Variants in SUPT3H observed in about 807,000 individuals in gnomAD.
SUPT3H encodes the protein SPT3 homolog, SAGA and STAGA complex component, also known as transcription initiation protein SPT3 homolog.
A neutral mutation model predicts 44.3 loss-of-function variants in SUPT3H; 44 were observed. The observed-to-expected ratio is 0.99, with a 90% CI of 0.78 to 1.28. The LOEUF (loss-of-function observed/expected upper bound fraction) is 1.28. Ranked by LOEUF, SUPT3H falls within the 50% of genes most tolerant of loss-of-function variation. The pLI, the probability that SUPT3H is intolerant of heterozygous loss-of-function variation, is 0.00. For synonymous variants in SUPT3H, 124 were observed against 125.6 expected (o/e 0.99, Z 0.09); for missense variants, 380 against 387.1 (o/e 0.98, Z 0.15).
chr6:45,062,346 A>C (rs964541970), intron 3 of SUPT3H, among the ~76,000 whole-genome samples: 1 of 152,212 alleles, frequency 6.6e-6, no homozygotes, highest in Non-Finnish European at 1.5e-5. Flanking sequence ...GAGCATTATA[A>C]ATATCATAAA....
intron 3 of SUPT3H, among the ~76,000 whole-genome samples, chr6:45,051,124 C>T (rs1790233387): frequency 6.6e-6 from 1 of 151,990 alleles, no homozygotes; most frequent in South Asian, 2.1e-4. Context: ...CTCCTGACCT[C>T]GTGATCCACC....
At chr6:45,193,991 T>C (rs1206121446) in intron 2 of SUPT3H, among the ~76,000 whole-genome samples, 3 of 152,192 alleles carry the variant, frequency 2.0e-5, no homozygotes, top group Non-Finnish European at 4.4e-5. Context: ...AAATTTAAAC[T>C]GTCCAGTTAT....
At chr6:45,047,654 T>C (rs1057376522) in intron 3 of SUPT3H, among the ~76,000 whole-genome samples, 5 of 152,292 alleles carry the variant, frequency 3.3e-5, no homozygotes, top group East Asian at 1.9e-4. Flanking sequence ...TTTTAATTTT[T>C]TTAAGGAAAA....
chr6:45,191,903 A>T (rs1028124171), intron 2 of SUPT3H, among the ~76,000 whole-genome samples: 1 of 152,096 alleles, frequency 6.6e-6, no homozygotes, highest in African/African-American at 2.4e-5. Context: ...AGACTAAAAA[A>T]TATTAATATA....
chr6:45,228,326 T>C (rs1025384467), intron 2 of SUPT3H, among the ~76,000 whole-genome samples: 7 of 152,192 alleles, frequency 4.6e-5, no homozygotes, highest in Non-Finnish European at 8.8e-5. Context: ...GCAGTGGTTC[T>C]AATCCAATCA....
intron 2 of SUPT3H, among the ~76,000 whole-genome samples, chr6:45,283,020 C>G (rs2153667859): frequency 6.6e-6 from 1 of 152,200 alleles, no homozygotes; most frequent in East Asian, 1.9e-4. Context: ...AAATACTTTA[C>G]AGGCAAGCAA....
In SUPT3H at chr6:45,060,001, G is replaced by A. The variant is rs138663839; in HGVS notation, c.187-39369C>T. ...CTCATAGATAGGAAGAATCAATATC[G>A]TGAAAATGGCCATAGTACCCAAAGT... On this transcript the variant is annotated intron_variant, in intron 3 of 10. Coordinates refer to ENST00000371459, the MANE Select transcript of SUPT3H (RefSeq NM_003599.4). 7.2e-5 allele frequency among the ~76,000 whole-genome samples: 11 copies of A among 152,080 alleles called. No individual in the cohort carries two copies. The East Asian group carries it at 9.7e-4, about 13-fold the overall frequency.
intron 2 of SUPT3H, among the ~76,000 whole-genome samples, chr6:45,210,755 C>A (rs565059394): frequency 3.9e-5 from 6 of 152,270 alleles, no homozygotes; most frequent in African/African-American, 1.4e-4. Context: ...ACTTAATAAA[C>A]TATAGTATAG....
chr6:44,967,673 T>C (rs1048023484), intron 6 of SUPT3H, among the ~76,000 whole-genome samples: 1 of 152,244 alleles, frequency 6.6e-6, no homozygotes, highest in Non-Finnish European at 1.5e-5. Context: ...TGTGCTGGCA[T>C]ATCTCTTGGC....
chr6:45,053,914 C>CAA (rs56734466), intron 3 of SUPT3H, among the ~76,000 whole-genome samples: 3 of 79,642 alleles, frequency 3.8e-5, no homozygotes, highest in African/African-American at 9.0e-5. Flanking sequence ...GACTCCGTCT[C>CAA]AAAAAAAAAA....
At chr6:45,287,138 T>G (rs888297967) in intron 2 of SUPT3H, among the ~76,000 whole-genome samples, 3 of 152,058 alleles carry the variant, frequency 2.0e-5, no homozygotes, top group Admixed American at 6.6e-5. Flanking sequence ...ATATACCTAA[T>G]GTTAAATGAC....
intron 10 of SUPT3H, among the ~76,000 whole-genome samples, chr6:44,857,765 G>T (rs920201034): frequency 6.6e-6 from 1 of 152,018 alleles, no homozygotes; most frequent in African/African-American, 2.4e-5. Flanking sequence ...AGCAACTCTC[G>T]AACTATTCAA....
At chr6:45,044,837 T>C (rs1789124593) in intron 3 of SUPT3H, among the ~76,000 whole-genome samples, 1 of 152,202 alleles carries the variant, frequency 6.6e-6, no homozygotes. Context: ...CACTTCTCTC[T>C]GGCCAACTGA....
chr6:44,861,079 T>C (rs1337589386), intron 10 of SUPT3H, among the ~76,000 whole-genome samples: 2 of 151,954 alleles, frequency 1.3e-5, no homozygotes, highest in African/African-American at 4.9e-5. Flanking sequence ...TTCTTTTGTT[T>C]TGTTTTGTTT....
chr6:45,282,234 T>C (rs371556793), intron 2 of SUPT3H, among the ~76,000 whole-genome samples: 1 of 152,092 alleles, frequency 6.6e-6, no homozygotes, highest in Non-Finnish European at 1.5e-5. Context: ...CAAAGCTGGA[T>C]GGAGAATGAC....
downstream of SUPT3H, among the ~76,000 whole-genome samples, chr6:44,825,346 A>C (rs1230375056): frequency 2.6e-5 from 4 of 152,200 alleles, no homozygotes; most frequent in African/African-American, 9.6e-5. Context: ...ATTTTCTTGC[A>C]ATCAAATTTT....
At chr6:45,010,478 T>C (rs938253154) in intron 5 of SUPT3H, among the ~76,000 whole-genome samples, 2 of 152,158 alleles carry the variant, frequency 1.3e-5, no homozygotes, top group Non-Finnish European at 2.9e-5. Context: ...GTTTTCCATA[T>C]ATGTCTGTCT....
In SUPT3H at chr6:44,826,872, T is replaced by C. The variant is rs1207869451; in HGVS notation, c.*2944A>G. Among the ~76,000 whole-genome samples the C allele has an allele frequency of 6.6e-6, 1 of 152,178 alleles. No individual in the cohort carries two copies. The highest frequency in any genetic ancestry group is 1.5e-5 in the Non-Finnish European group (1 of 68,018). On this transcript the variant is annotated 3_prime_UTR_variant, in exon 11 of 11. Coordinates refer to ENST00000371459, the MANE Select transcript of SUPT3H (RefSeq NM_003599.4). ...CCAGATACAGGAATTATATACACCA[T>C]TTAAAAAATATTTGTGCTTCTGATG...
At chr6:45,307,511 C>T (rs571502367) in intron 2 of SUPT3H, among the ~76,000 whole-genome samples, 2 of 152,326 alleles carry the variant, frequency 1.3e-5, no homozygotes, top group East Asian at 1.9e-4. Flanking sequence ...CAAACAGGGT[C>T]TGGAGTGGAG....
Sources: allele counts gnomAD v4.1 joint callset (sites outside exome capture counted in the v4.1 genomes callset), GRCh38; gene constraint gnomAD v4.1.1; transcripts MANE v1.5; gene names NCBI Gene and HGNC (gene_info 2026-07-23, HGNC 2026-07-21).